NCOR2: variants seen among roughly 807,000 people sequenced by gnomAD.
The protein encoded by NCOR2 is nuclear receptor corepressor 2, also known as CTG repeat protein 26.
A neutral mutation model predicts 262.9 loss-of-function variants in NCOR2; 81 were observed. The observed-to-expected ratio is 0.31, with a 90% CI of 0.26 to 0.37. The LOEUF is 0.37. NCOR2 is among the 10% of genes least tolerant of loss of function. The probability of loss-of-function intolerance (pLI) is 1.00; values close to 1 mark genes in which losing one functional copy is unlikely to be tolerated. For missense variants in NCOR2, 3,385 were observed against 3,621.4 expected, an observed-to-expected ratio of 0.93 and a Z score of 1.68; for synonymous variants, 1,659 against 1,559.3, an observed-to-expected ratio of 1.06 and a Z score of -1.51.
At chr12:124,499,914 C>T (rs976238767), upstream of NCOR2, among the ~76,000 whole-genome samples, 3 of 152,034 alleles carry the variant, frequency 2.0e-5, no homozygotes, top group Non-Finnish European at 4.4e-5. Flanking sequence ...AGGGCAACAG[C>T]GACAGAGAAG....
intron 23 of NCOR2, among the ~76,000 whole-genome samples, chr12:124,356,190 C>A (rs1018591410): frequency 4.6e-5 from 7 of 152,238 alleles, no homozygotes; most frequent in African/African-American, 1.7e-4. Flanking sequence ...CGGGACCAGC[C>A]TTTACCAACA....
chr12:124,423,501 G>A (rs1042873674), intron 11 of NCOR2, among the ~76,000 whole-genome samples: 7 of 152,190 alleles, frequency 4.6e-5, no homozygotes, highest in Admixed American at 1.3e-4. Context: ...AACAGTCTCT[G>A]CTCTCTTCCC....
intron 1 of NCOR2, among the ~76,000 whole-genome samples, chr12:124,507,834 G>C (rs1005872583): frequency 3.3e-5 from 5 of 152,170 alleles, no homozygotes; most frequent in African/African-American, 1.2e-4. Context: ...GGCGGCCTCC[G>C]CAAGGTTCCC....
At position 124,486,430 on chromosome 12, in the gene NCOR2, T is replaced by C. The variant is rs2047771521; in HGVS notation, c.233+11A>G. ...ACGCCCTGGACAGGGAGGCAGCAAC[T>C]CTCTCCTCACCGTTCATTCCCGGGC... On this transcript the variant is annotated intron_variant, in intron 2 of 46. Coordinates refer to ENST00000405201, the Ensembl canonical transcript of NCOR2. The C allele has an allele frequency of 1.9e-6, 3 of 1,612,266 alleles. No individual in the cohort carries two copies. Among genetic ancestry groups the C allele is most frequent in the African/African-American group, 2.7e-5 (2 of 74,892 alleles).
chr12:124,450,713 G>A (rs2136506019), intron 6 of NCOR2, among the ~76,000 whole-genome samples: 1 of 152,318 alleles, frequency 6.6e-6, no homozygotes, highest in South Asian at 2.1e-4. Flanking sequence ...ATGGTGCAGG[G>A]ACCAAGCCAG....
chr12:124,426,452 G>GA (rs2043555446), intron 11 of NCOR2, among the ~76,000 whole-genome samples, 170 bp downstream of exon 13: 1 of 152,178 alleles, frequency 6.6e-6, no homozygotes, highest in Non-Finnish European at 1.5e-5. Context: ...CCAACCCCAC[G>GA]AAACACCAGG....
Position 124,460,482 on chromosome 12 carries a change from T to C in NCOR2, c.706-3320A>G, listed in dbSNP as rs79288531. ...TCGTCCAGCAGGGCCCAGCACAGGG[T>C]TGAGGGCAGTGGGCACTTTCTCCAG... On this transcript the variant is annotated intron_variant, in intron 5 of 46. Coordinates refer to ENST00000405201, the Ensembl canonical transcript of NCOR2. 1.2e-3 allele frequency among the ~76,000 whole-genome samples: 188 copies of C among 152,286 alleles called. 2 individuals are homozygous for C. The East Asian group carries it at 0.03, about 25-fold the overall frequency.
chr12:124,388,846 A>G, intron 16 of NCOR2: 1 of 1,253,728 alleles, frequency 8.0e-7, no homozygotes, highest in Non-Finnish European at 1.0e-6. Context: ...TCAGCCTCAC[A>G]TCCTTCTCCG....
At chr12:124,425,078 C>G (rs949511613) in intron 11 of NCOR2, among the ~76,000 whole-genome samples, 6 of 152,202 alleles carry the variant, frequency 3.9e-5, no homozygotes, top group Admixed American at 6.5e-5. Flanking sequence ...TTTCTTTAAC[C>G]CTTATGAGAT....
At chr12:124,492,293 C>T (rs969424621) in intron 1 of NCOR2, among the ~76,000 whole-genome samples, 7 of 152,312 alleles carry the variant, frequency 4.6e-5, no homozygotes, top group African/African-American at 1.4e-4. Context: ...ACCAGGACAC[C>T]GGTACTGCAG....
At position 124,495,084 on chromosome 12, in the gene NCOR2, C is replaced by G; in HGVS notation, c.105+63G>C. 1 of 1,578,660 alleles carries G rather than the reference C, an allele frequency of 6.3e-7. No homozygotes were observed. On this transcript the variant is annotated intron_variant, in intron 1 of 46. Transcript: ENST00000405201. This position sits in a 1 kb window ranked among gnomAD's most constrained non-coding sequence, Gnocchi z 4.4. Reference sequence around the variant, plus strand: ...CCCAGGAGAAAGGAAGGGGTGAAGACTCAGTGGAATGGAAGAAGGGTCTCA... The same window carrying G: ...CCCAGGAGAAAGGAAGGGGTGAAGAGTCAGTGGAATGGAAGAAGGGTCTCA...
intron 24 of NCOR2, 171 bp downstream of exon 26, chr12:124,355,261 G>C: frequency 1.3e-6 from 1 of 747,336 alleles, no homozygotes; most frequent in Non-Finnish European, 2.1e-6. Flanking sequence ...CCCCAGGGAC[G>C]AGGCCCTGAG....
intron 7 of NCOR2, among the ~76,000 whole-genome samples, chr12:124,438,778 C>CAGAG (rs56072801): frequency 0.031 from 1,879 of 60,060 alleles, 305 homozygotes; most frequent in African/African-American, 0.074. Flanking sequence ...CCCAGAGAGA[C>CAGAG]AGAGAGAGAG....
intron 28 of NCOR2, chr12:124,348,525 T>G (rs1593158972): frequency 1.6e-6 from 1 of 612,752 alleles, no homozygotes; most frequent in Non-Finnish European, 2.7e-6. Flanking sequence ...TTCCAGGGGG[T>G]TGCACGGTGG....
At chr12:124,505,318 T>G (rs1178380997) in intron 1 of NCOR2, among the ~76,000 whole-genome samples, 8 of 152,060 alleles carry the variant, frequency 5.3e-5, no homozygotes, top group African/African-American at 1.7e-4. Flanking sequence ...CCGCTCCCCC[T>G]GCCACTCCCA....
chr12:124,427,268 G>A (rs546261341), intron 10 of NCOR2, among the ~76,000 whole-genome samples: 1 of 152,266 alleles, frequency 6.6e-6, no homozygotes, highest in African/African-American at 2.4e-5. Context: ...CCTCGCTGGT[G>A]GAGAGGTCTT....
chr12:124,495,153 C>T lies in NCOR2; in HGVS notation c.99G>A (p.Thr33=), dbSNP rs143791421. The change falls in exon 1 of 47, where the codon ACG becomes ACA. Residue 33 remains threonine (T), a synonymous_variant. Coordinates refer to ENST00000405201, the Ensembl canonical transcript of NCOR2. The surrounding 1 kb of genome is among the most constrained non-coding windows in gnomAD (Gnocchi z 4.4). ...CACATGTGCACCCCCTTACCGTGTG[C>T]GTCCGGGCGATCTGCACTGGGTAGG... The T allele has an allele frequency of 2.2e-5, 36 of 1,613,790 alleles. No individual in the cohort carries two copies. In the African/African-American group the frequency reaches 2.7e-4, roughly 12 times the overall value.
intron 1 of NCOR2, 98 bp downstream of exon 2, chr12:124,535,467 G>T (rs1032392349): frequency 1.3e-5 from 2 of 152,378 alleles, no homozygotes; most frequent in African/African-American, 4.8e-5. Context: ...ACTCCAGGCC[G>T]AACCTGGCTC....
intron 16 of NCOR2, among the ~76,000 whole-genome samples, chr12:124,386,278 G>A (rs558815817): frequency 2.0e-5 from 3 of 152,242 alleles, no homozygotes; most frequent in African/African-American, 7.2e-5. Context: ...GCTGGGCGGA[G>A]GGCCTGGCCT....
Sources: allele counts gnomAD v4.1 joint callset (sites outside exome capture counted in the v4.1 genomes callset), GRCh38; gene constraint gnomAD v4.1.1; non-coding constraint Gnocchi (gnomAD v3.1); transcripts MANE v1.5; gene names NCBI Gene and HGNC (gene_info 2026-07-23, HGNC 2026-07-21).